Variants in TRPC5 observed in about 807,000 individuals in gnomAD.
The protein encoded by TRPC5 is transient receptor potential cation channel subfamily C member 5.
In TRPC5, 9 loss-of-function variants were observed where a neutral mutation model predicts 56.5. The observed-to-expected ratio is 0.16, with a 90% confidence interval of 0.10 to 0.28. The LOEUF (loss-of-function observed/expected upper bound fraction) is 0.28. TRPC5 is among the 10% of genes least tolerant of loss of function. The pLI is 1.00. For missense variants in TRPC5, 469 were observed against 748.9 expected (o/e 0.63, Z 4.36); for synonymous variants, 282 against 278.5 (o/e 1.01, Z -0.13).
intron 1 of TRPC5, among the ~76,000 whole-genome samples, chrX:111,957,573 G>A (rs1458366176): frequency 9.0e-6 from 1 of 111,687 alleles, no homozygotes; most frequent in Non-Finnish European, 1.9e-5. Context: ...GTAAGTGGTG[G>A]GAATGGGATT....
intron 5 of TRPC5, among the ~76,000 whole-genome samples, chrX:111,849,994 T>C (rs1923039075): frequency 8.9e-6 from 1 of 112,096 alleles, no homozygotes; most frequent in Non-Finnish European, 1.9e-5. Flanking sequence ...AATTGCATTT[T>C]ATAAACCCTA....
chrX:111,778,136 G>C (rs905483461), intron 10 of TRPC5, among the ~76,000 whole-genome samples: 6 of 110,594 alleles, frequency 5.4e-5, no homozygotes, highest in African/African-American at 9.9e-5. Context: ...ATCACACACA[G>C]GGGCCTGTCA....
intron 2 of TRPC5, among the ~76,000 whole-genome samples, chrX:111,922,061 C>T (rs748990191): frequency 4.6e-4 from 52 of 112,337 alleles, no homozygotes; most frequent in Non-Finnish European, 7.9e-4. Context: ...TCCTTTTTCC[C>T]CACTGTCAGA....
chrX:112,013,187 A>G (rs1039071782), intron 1 of TRPC5, among the ~76,000 whole-genome samples: 1 of 111,549 alleles, frequency 9.0e-6, no homozygotes, highest in Non-Finnish European at 1.9e-5. Flanking sequence ...GTCTCACTCT[A>G]TCACACAGGC....
chrX:111,936,807 G>A lies in TRPC5; in HGVS notation c.378+15236C>T, dbSNP rs780652311. Among the ~76,000 whole-genome samples, 501 of 96,030 alleles carry A rather than the reference G, an allele frequency of 5.2e-3. 6 individuals carry two copies. Among genetic ancestry groups the A allele is most frequent in the Middle Eastern group, 0.015 (3 of 198 alleles). The allele number at this position is 96,030 out of a possible 115,157, so 83.4% of individuals were successfully genotyped here. A position where few individuals can be genotyped will look rare whatever the true frequency, so the allele number is the denominator to read the frequency against. On this transcript the variant is annotated intron_variant, in intron 2 of 10. Transcript: ENST00000262839. Reference sequence around the variant, plus strand: ...GTGAATAGTGCCGCAATAAACATACGTGTGCATGTGTCTTTATAGCAGCAT... The same window carrying A: ...GTGAATAGTGCCGCAATAAACATACATGTGCATGTGTCTTTATAGCAGCAT...
In TRPC5 at chrX:111,778,908, C is replaced by T. The variant is rs1467553769; in HGVS notation, c.2232+77G>A. The stretch of plus-strand genomic sequence containing the variant: ...TTGTAAGCAGATGAAATTCCATCAC[C>T]AGAAACCTCACACACTGTGAAGATT... On this transcript the variant is annotated intron_variant, in intron 10 of 10. Coordinates refer to ENST00000262839, the MANE Select transcript of TRPC5 (RefSeq NM_012471.3). The T allele has an allele frequency of 1.1e-5, 8 of 714,642 alleles. No homozygotes were observed. The African/African-American group carries it at 1.5e-4, about 13-fold the overall frequency. The allele number at this position is 714,642 out of a possible 1,213,427, so 58.9% of individuals were successfully genotyped here.
intron 3 of TRPC5, among the ~76,000 whole-genome samples, chrX:111,873,654 A>G (rs1923828824): frequency 9.1e-6 from 1 of 110,263 alleles, no homozygotes; most frequent in Non-Finnish European, 1.9e-5. Context: ...TGTGGTGGTG[A>G]GTGCCTGTAA....
intron 3 of TRPC5, among the ~76,000 whole-genome samples, chrX:111,889,702 G>A (rs1924709453): frequency 9.0e-6 from 1 of 111,592 alleles, no homozygotes; most frequent in African/African-American, 3.3e-5. Flanking sequence ...CAAGGGTAAA[G>A]CATTTTTTTT....
At chrX:111,965,239 A>G (rs1569528766) in intron 1 of TRPC5, among the ~76,000 whole-genome samples, 1 of 112,026 alleles carries the variant, frequency 8.9e-6, no homozygotes, top group East Asian at 2.8e-4. Flanking sequence ...GCCATTACAT[A>G]ATGGTAAAGA....
At chrX:111,918,782 T>C (rs912848967) in intron 2 of TRPC5, among the ~76,000 whole-genome samples, 4 of 111,157 alleles carry the variant, frequency 3.6e-5, no homozygotes, top group African/African-American at 9.8e-5. Flanking sequence ...AGTAGGGTGC[T>C]AGTAGATATG....
Position 112,022,141 on chromosome X carries a change from G to T in TRPC5, c.-22+59738C>A, listed in dbSNP as rs916215819. 3.6e-5 allele frequency among the ~76,000 whole-genome samples: 4 copies of T among 112,047 alleles called. No individual in the cohort carries two copies. The East Asian group carries it at 1.1e-3, about 31-fold the overall frequency. On this transcript the variant is annotated intron_variant, in intron 1 of 10. Coordinates refer to ENST00000262839, the MANE Select transcript of TRPC5 (RefSeq NM_012471.3). ...CATTCTGGAGTATATAAGAGTACAA[G>T]AAATCTATGGAGGTAGGATATACTG...
intron 7 of TRPC5, among the ~76,000 whole-genome samples, chrX:111,817,174 A>C (rs1006735785): frequency 5.4e-5 from 6 of 110,900 alleles, no homozygotes; most frequent in Admixed American, 1.9e-4. Context: ...AATCTCAAAC[A>C]GATGGACCAG....
chrX:112,069,863 A>G (rs1173164408), intron 1 of TRPC5, among the ~76,000 whole-genome samples: 1 of 111,205 alleles, frequency 9.0e-6, no homozygotes, highest in African/African-American at 3.3e-5. Flanking sequence ...CATCTCTCAA[A>G]TTAATAGGGA....
chrX:111,793,126 C>T (rs1010858703), intron 7 of TRPC5, among the ~76,000 whole-genome samples: 2 of 110,602 alleles, frequency 1.8e-5, no homozygotes, highest in East Asian at 2.8e-4. Context: ...CAGCTATAGC[C>T]GCAAGACCAG....
Position 111,870,664 on chromosome X carries a change from T to A in TRPC5, c.901-16558A>T, listed in dbSNP as rs773772165. On this transcript the variant is annotated intron_variant, in intron 3 of 10. Coordinates refer to ENST00000262839, the MANE Select transcript of TRPC5 (RefSeq NM_012471.3). ...GAGAGGTTTGATAGGGAATTTATTTTTAAAAACTTTGGTTTTCAGAACTTG... is the reference window on the plus strand; with the variant it reads ...GAGAGGTTTGATAGGGAATTTATTTATAAAAACTTTGGTTTTCAGAACTTG... Among the ~76,000 whole-genome samples the A allele has an allele frequency of 6.3e-5, 7 of 111,447 alleles. No individual in the cohort carries two copies. The South Asian group carries it at 1.2e-3, about 18-fold the overall frequency.
chrX:112,070,818 T>C (rs374638498), intron 1 of TRPC5, among the ~76,000 whole-genome samples: 1 of 110,778 alleles, frequency 9.0e-6, no homozygotes. Flanking sequence ...GTATAGTTTC[T>C]ATTTGTATAG....
chrX:112,052,635 T>G (rs781640973), intron 1 of TRPC5, among the ~76,000 whole-genome samples: 1 of 112,029 alleles, frequency 8.9e-6, no homozygotes, highest in Non-Finnish European at 1.9e-5. Flanking sequence ...TTTGATGTAG[T>G]ATAATTTCTC....
intron 2 of TRPC5, among the ~76,000 whole-genome samples, chrX:111,931,615 A>T (rs1221315842): frequency 2.7e-5 from 3 of 112,297 alleles, no homozygotes; most frequent in African/African-American, 9.7e-5. Flanking sequence ...TTTGAGTACA[A>T]GGCTGATTTG....
chrX:111,959,729 T>C lies in TRPC5; in HGVS notation c.-21-7288A>G, dbSNP rs758125480. Among the ~76,000 whole-genome samples the C allele has an allele frequency of 2.7e-5, 3 of 111,705 alleles. No individual in the cohort carries two copies. The South Asian group carries it at 1.1e-3, about 43-fold the overall frequency. ...TATAAAATTGGGAATCATTGCATATTGATCAAAGGTTCTCAACCCTGGCTA... is the reference window on the plus strand; with the variant it reads ...TATAAAATTGGGAATCATTGCATATCGATCAAAGGTTCTCAACCCTGGCTA... On this transcript the variant is annotated intron_variant, in intron 1 of 10. Coordinates refer to ENST00000262839, the MANE Select transcript of TRPC5 (RefSeq NM_012471.3).
Sources: allele counts gnomAD v4.1 joint callset (sites outside exome capture counted in the v4.1 genomes callset), GRCh38; gene constraint gnomAD v4.1.1; transcripts MANE v1.5; gene names NCBI Gene and HGNC (gene_info 2026-07-23, HGNC 2026-07-21).